Variants in MBTPS2 observed in about 807,000 individuals in gnomAD.
MBTPS2 encodes membrane bound transcription factor peptidase, site 2.
A neutral mutation model predicts 35.4 loss-of-function variants in MBTPS2; 2 were observed. The ratio of observed to expected loss-of-function variants is 0.06; its 90% CI spans 0.02 to 0.18. The LOEUF (loss-of-function observed/expected upper bound fraction) is 0.18. Ranked by LOEUF, MBTPS2 falls within the 10% of genes least tolerant of loss-of-function variation. The probability of loss-of-function intolerance (pLI) is 1.00; values close to 1 mark genes in which losing one functional copy is unlikely to be tolerated. For missense variants in MBTPS2, 244 were observed against 386.5 expected, an observed-to-expected ratio of 0.63 and a Z score of 3.09; for synonymous variants, 125 against 140.4, an observed-to-expected ratio of 0.89 and a Z score of 0.77.
chrX:21,877,098 A>G lies in MBTPS2; in HGVS notation c.971-944A>G, dbSNP rs139466803. ...ATTTTTTGTCCCACCTTATAAGTGA[A>G]GTAGATTCCTTATTCTGCTCCCAAA... On this transcript the variant is annotated intron_variant, in intron 7 of 10. Coordinates refer to ENST00000379484, the MANE Select transcript of MBTPS2 (RefSeq NM_015884.4). Among the ~76,000 whole-genome samples, 4 of 112,221 alleles carry G rather than the reference A, an allele frequency of 3.6e-5. No homozygotes were observed. In the East Asian group the frequency reaches 1.1e-3, roughly 31 times the overall value.
chrX:21,880,649 A>G (rs776083969), intron 9 of MBTPS2, among the ~76,000 whole-genome samples: 89 of 111,414 alleles, frequency 8.0e-4, no homozygotes, highest in Non-Finnish European at 1.5e-3. Flanking sequence ...CTTAATGTAA[A>G]TTTCTTACTC....
rs760844390 is a variant in MBTPS2, at chrX:21,856,223, A to G, written c.670+2720A>G. ...ACAGACGCGCCAGTTGCCTAGGCGC[A>G]TGCGTCTGGCTATCCCAGAAGCACC... On this transcript the variant is annotated intron_variant, in intron 5 of 10. Transcript: ENST00000379484. 11 of 359,691 alleles carry G rather than the reference A, an allele frequency of 3.1e-5. No individual in the cohort carries two copies. In the East Asian group the frequency reaches 3.9e-4, roughly 13 times the overall value. 29.6% of individuals were successfully genotyped at this position (359,691 alleles called of 1,213,427 possible). A position where few individuals can be genotyped will look rare whatever the true frequency, so the allele number is the denominator to read the frequency against.
At chrX:21,878,737 A>G in intron 9 of MBTPS2, 45 bp downstream of exon 9, 1 of 884,103 alleles carries the variant, frequency 1.1e-6, no homozygotes, top group Non-Finnish European at 1.7e-6. Context: ...TTAAGATCAC[A>G]TATAGTCTCA....
At chrX:21,846,398 T>A (rs2092908698) in intron 3 of MBTPS2, among the ~76,000 whole-genome samples, 1 of 111,613 alleles carries the variant, frequency 9.0e-6, no homozygotes, top group Non-Finnish European at 1.9e-5. Context: ...GAGACGGAGT[T>A]TTGCTCTTGC....
intron 5 of MBTPS2, among the ~76,000 whole-genome samples, chrX:21,861,115 C>A: frequency 8.9e-6 from 1 of 111,781 alleles, no homozygotes; most frequent in South Asian, 3.7e-4. Context: ...CAAAAAATGG[C>A]AATGGATAGA....
chrX:21,868,862 C>G (rs1261946725), intron 6 of MBTPS2, among the ~76,000 whole-genome samples: 5 of 111,968 alleles, frequency 4.5e-5, no homozygotes, highest in Non-Finnish European at 7.5e-5. Context: ...CATCATTTAC[C>G]TTTTCTGTTT....
intron 5 of MBTPS2, among the ~76,000 whole-genome samples, chrX:21,867,037 A>G (rs958377237): frequency 1.8e-5 from 2 of 109,659 alleles, no homozygotes; most frequent in African/African-American, 6.6e-5. Flanking sequence ...AAAAAGAAAA[A>G]AAGAAAAAAA....
At chrX:21,857,330 C>T (rs2092924529) in intron 5 of MBTPS2, 1 of 1,210,802 alleles carries the variant, frequency 8.3e-7, no homozygotes, top group Non-Finnish European at 1.1e-6. Context: ...GGCCCAGAGT[C>T]CACGTATGTG....
chrX:21,870,367 A>G (rs956548949), intron 7 of MBTPS2: 2 of 111,795 alleles, frequency 1.8e-5, no homozygotes, highest in African/African-American at 3.3e-5. Flanking sequence ...AAAAGGGAAT[A>G]TAAGTAATAA....
In MBTPS2 at chrX:21,878,535, T is replaced by A. The variant is rs769376266; in HGVS notation, c.1104T>A (p.Thr368=). 5.8e-6 allele frequency: 7 copies of A among 1,210,253 alleles called. No individual in the cohort carries two copies. The highest frequency in any genetic ancestry group is 7.8e-6 in the Non-Finnish European group (7 of 894,023). Residue 368 remains threonine (T), a synonymous_variant, in exon 9 of 11, where the codon ACT becomes ACA. Coordinates refer to ENST00000379484, the MANE Select transcript of MBTPS2 (RefSeq NM_015884.4). ...CTGCCCGGAAAGCAGTTGAAGCAAC[T>A]CAAGTTTGCAGAACCAATAAAGACT... ...CLPARKAVEA[T]QVCRTNKDCK...
intron 1 of MBTPS2, among the ~76,000 whole-genome samples, chrX:21,840,951 T>G (rs1324113619): frequency 8.9e-6 from 1 of 112,016 alleles, no homozygotes; most frequent in African/African-American, 3.2e-5. Context: ...ATTACATTAG[T>G]GTATCCACAT....
intron 4 of MBTPS2, 66 bp downstream of exon 4, chrX:21,851,678 T>C: frequency 1.3e-6 from 1 of 751,545 alleles, no homozygotes. Context: ...GGAGGATTTA[T>C]TACTAAAATC....
rs2092962117 is a variant in MBTPS2 at position 21,883,970 on chromosome X, T to A, written c.*1315T>A. ...ATGGAAAATACATGCTTCTCTTGTA[T>A]ACTCAGAAGTGACTAAGGGCAATAA... is the stretch of plus-strand genomic sequence containing the variant. On this transcript the variant is annotated 3_prime_UTR_variant, in exon 11 of 11. Coordinates refer to ENST00000379484, the MANE Select transcript of MBTPS2 (RefSeq NM_015884.4). 1.3e-6 allele frequency: 1 copy of A among 751,639 alleles called. No individual in the cohort carries two copies. The highest frequency in any genetic ancestry group is 1.5e-4 in the East Asian group (1 of 6,584). 61.9% of individuals were successfully genotyped at this position (751,639 alleles called of 1,213,427 possible).
At chrX:21,878,262 C>A in intron 8 of MBTPS2, 126 bp downstream of exon 8, 1 of 541,617 alleles carries the variant, frequency 1.8e-6, no homozygotes, top group East Asian at 3.6e-5. Flanking sequence ...ATTAAAATCT[C>A]TACATTTCAC....
intron 7 of MBTPS2, among the ~76,000 whole-genome samples, chrX:21,873,957 A>G (rs1428248031): frequency 1.9e-5 from 2 of 104,145 alleles, no homozygotes. Flanking sequence ...GAGTGTGTAT[A>G]TAAGTATATA....
At chrX:21,864,453 C>G (rs1020079623) in intron 5 of MBTPS2, among the ~76,000 whole-genome samples, 1 of 111,290 alleles carries the variant, frequency 9.0e-6, no homozygotes, top group African/African-American at 3.3e-5. Context: ...AGGCTGGTCT[C>G]GAACTCCTGA....
At chrX:21,842,588 A>T (rs1299439792) in intron 1 of MBTPS2, among the ~76,000 whole-genome samples, 1 of 111,450 alleles carries the variant, frequency 9.0e-6, no homozygotes, top group Non-Finnish European at 1.9e-5. Flanking sequence ...CAACGAAGTA[A>T]TGCCCCCCCC....
At chrX:21,861,944 C>T (rs914955765) in intron 5 of MBTPS2, among the ~76,000 whole-genome samples, 4 of 112,053 alleles carry the variant, frequency 3.6e-5, no homozygotes, top group Non-Finnish European at 7.5e-5. Flanking sequence ...TATTTGGCTG[C>T]TCTAATAACT....
intron 5 of MBTPS2, chrX:21,856,230 T>G (rs1378927745): frequency 2.7e-6 from 1 of 375,973 alleles, no homozygotes; most frequent in Non-Finnish European, 4.6e-6. Flanking sequence ...CGCATGCGTC[T>G]GGCTATCCCA....
Sources: allele counts gnomAD v4.1 joint callset (sites outside exome capture counted in the v4.1 genomes callset), GRCh38; gene constraint gnomAD v4.1.1; transcripts MANE v1.5; gene names NCBI Gene and HGNC (gene_info 2026-07-23, HGNC 2026-07-21).